The following GPC6 variants were observed in gnomAD, a reference collection of about 807,000 sequenced individuals.
GPC6 encodes glypican 6.
GPC6 carries 14 observed loss-of-function variants against 55.2 expected under a neutral mutation model. That is an observed-to-expected ratio of 0.25 (90% CI 0.17 to 0.40). The LOEUF is 0.40. GPC6 is among the 10% of genes least tolerant of loss of function. The pLI, the probability that GPC6 is intolerant of heterozygous loss-of-function variation, is 1.00. For missense variants in GPC6, 641 were observed against 708.5 expected (o/e 0.90, Z 1.08); for synonymous variants, 278 against 259.6 (o/e 1.07, Z -0.68).
intron 2 of GPC6, among the ~76,000 whole-genome samples, chr13:93,676,677 A>T (rs905576392): frequency 5.3e-5 from 8 of 152,110 alleles, no homozygotes; most frequent in African/African-American, 1.9e-4. Flanking sequence ...TTGAAATAAG[A>T]TCTTTATTTA....
intron 2 of GPC6, among the ~76,000 whole-genome samples, chr13:93,791,986 AT>A (rs928303325): frequency 6.6e-6 from 1 of 152,150 alleles, no homozygotes; most frequent in Admixed American, 6.5e-5. Context: ...ATTTTTGAAG[AT>A]TTTTTTTCTA....
chr13:94,271,003 T>C (rs1400430495), intron 4 of GPC6, among the ~76,000 whole-genome samples: 26 of 73,312 alleles, frequency 3.5e-4, no homozygotes, highest in African/African-American at 1.2e-3. Flanking sequence ...TTTTTTTTTT[T>C]TTCTGAGACG....
chr13:94,061,794 G>GA (rs377606825), intron 4 of GPC6, among the ~76,000 whole-genome samples: 18,490 of 140,820 alleles, frequency 0.13, 1,432 homozygotes, highest in East Asian at 0.3. Context: ...AGCCCTGGGG[G>GA]AAAAAAAAAA....
chr13:94,051,974 G>C (rs989553072), intron 4 of GPC6, among the ~76,000 whole-genome samples: 18 of 152,118 alleles, frequency 1.2e-4, no homozygotes, highest in African/African-American at 4.1e-4. Context: ...ACCACATAAG[G>C]ATGTGGGAAT....
At chr13:93,652,065 A>G (rs1385018610) in intron 2 of GPC6, among the ~76,000 whole-genome samples, 3 of 152,204 alleles carry the variant, frequency 2.0e-5, no homozygotes, top group Admixed American at 6.5e-5. Context: ...GTAAAACCAT[A>G]TAGAAGTCCT....
intron 4 of GPC6, among the ~76,000 whole-genome samples, chr13:94,250,619 A>G (rs1297119214): frequency 6.6e-6 from 1 of 152,178 alleles, no homozygotes; most frequent in Non-Finnish European, 1.5e-5. Context: ...GTAAAACTGC[A>G]AACAAAACTA....
intron 1 of GPC6, among the ~76,000 whole-genome samples, chr13:93,466,589 G>A (rs1878912140): frequency 1.3e-5 from 2 of 152,156 alleles, no homozygotes; most frequent in Admixed American, 1.3e-4. Context: ...CTTTCCAGTG[G>A]TTTTAGTTGA....
chr13:93,923,757 A>G (rs2140347600), intron 3 of GPC6, among the ~76,000 whole-genome samples: 1 of 152,324 alleles, frequency 6.6e-6, no homozygotes, highest in East Asian at 1.9e-4. Flanking sequence ...CTAGTCTGGA[A>G]GGTAAGGCTG....
chr13:93,338,288 C>T (rs1880114279), intron 1 of GPC6, among the ~76,000 whole-genome samples: 2 of 152,158 alleles, frequency 1.3e-5, no homozygotes, highest in Non-Finnish European at 2.9e-5. Context: ...GGATGAATTA[C>T]AGCTGTAATA....
intron 2 of GPC6, among the ~76,000 whole-genome samples, chr13:93,717,307 TAG>T (rs1212497050): frequency 6.6e-6 from 1 of 151,696 alleles, no homozygotes; most frequent in African/African-American, 2.4e-5. Context: ...TTTTTAAAAT[TAG>T]AGTCTTCTTT....
At chr13:94,253,425 G>A (rs184265886) in intron 4 of GPC6, among the ~76,000 whole-genome samples, 4 of 152,050 alleles carry the variant, frequency 2.6e-5, no homozygotes, top group South Asian at 2.1e-4. Flanking sequence ...TTATCTCAAC[G>A]GTTCTTCTTT....
chr13:93,662,045 G>C lies in GPC6; in HGVS notation c.319+116624G>C, dbSNP rs560130048. Among the ~76,000 whole-genome samples the C allele has an allele frequency of 3.9e-5, 6 of 152,220 alleles. No homozygotes were observed. In the South Asian group the frequency reaches 1.2e-3, roughly 32 times the overall value. On this transcript the variant is annotated intron_variant, in intron 2 of 8. Coordinates refer to ENST00000377047, the MANE Select transcript of GPC6 (RefSeq NM_005708.5). ...CAAAACTGTTCAGAAAGACAACCTT[G>C]TATATTCTCCCTACTAGCATGAAAT...
chr13:93,218,549 T>C, the GPC6 span, among the ~76,000 whole-genome samples: 1 of 152,208 alleles, frequency 6.6e-6, no homozygotes, highest in Non-Finnish European at 1.5e-5. Context: ...CTTAATGTAG[T>C]CACACAATGG....
At chr13:93,478,633 G>GATC (rs371655167) in intron 1 of GPC6, among the ~76,000 whole-genome samples, 18 of 152,274 alleles carry the variant, frequency 1.2e-4, no homozygotes, top group African/African-American at 3.4e-4. Context: ...TTCAGAGTGA[G>GATC]ATCACCTGGT....
chr13:94,292,764 G>A (rs1875061361), intron 5 of GPC6, among the ~76,000 whole-genome samples: 1 of 152,074 alleles, frequency 6.6e-6, no homozygotes, highest in Non-Finnish European at 1.5e-5. Context: ...TTGAGATCAT[G>A]AATAAGTGGG....
chr13:93,832,144 T>TATATAA (rs1467780054), intron 3 of GPC6, among the ~76,000 whole-genome samples: 39 of 100,800 alleles, frequency 3.9e-4, no homozygotes, highest in Non-Finnish European at 6.7e-4. Context: ...TATATATATA[T>TATATAA]AATGTCCTTA....
At chr13:94,128,598 G>A (rs1454956573) in intron 4 of GPC6, among the ~76,000 whole-genome samples, 4 of 152,210 alleles carry the variant, frequency 2.6e-5, no homozygotes, top group East Asian at 1.9e-4. Context: ...TGGTCTTAAC[G>A]GGCAATTAAA....
At position 93,534,248 on chromosome 13, in the gene GPC6, A is replaced by C. The variant is rs1566409069; in HGVS notation, c.161-11015A>C. Among the ~76,000 whole-genome samples the C allele has an allele frequency of 2.0e-5, 3 of 152,168 alleles. No homozygotes were observed. In the South Asian group the frequency reaches 6.2e-4, roughly 32 times the overall value. ...GTTTGTTAGTAGCAATCTTGCCATC[A>C]CCTTTCAGCTTTGTAGATTTTTACT... On this transcript the variant is annotated intron_variant, in intron 1 of 8. Coordinates refer to ENST00000377047, the MANE Select transcript of GPC6 (RefSeq NM_005708.5).
intron 2 of GPC6, among the ~76,000 whole-genome samples, chr13:93,558,024 A>C (rs949718189): frequency 6.6e-6 from 1 of 152,164 alleles, no homozygotes; most frequent in African/African-American, 2.4e-5. Context: ...TTTTATTTAG[A>C]AAAATTTTAG....
Sources: allele counts gnomAD v4.1 joint callset (sites outside exome capture counted in the v4.1 genomes callset), GRCh38; gene constraint gnomAD v4.1.1; transcripts MANE v1.5; gene names NCBI Gene and HGNC (gene_info 2026-07-23, HGNC 2026-07-21).